ATXN2: variants seen among roughly 807,000 people sequenced by gnomAD.
ATXN2 encodes ataxin 2, also known as ataxin-2.
ATXN2 carries 37 observed loss-of-function variants against 138.6 expected under a neutral mutation model. The ratio of observed to expected loss-of-function variants is 0.27; its 90% CI spans 0.21 to 0.35. The LOEUF (loss-of-function observed/expected upper bound fraction) is 0.35. Ranked by LOEUF, ATXN2 falls within the 10% of genes least tolerant of loss-of-function variation. The probability of loss-of-function intolerance (pLI) is 1.00; values close to 1 mark genes in which losing one functional copy is unlikely to be tolerated. For missense variants in ATXN2, 1,216 were observed against 1,480.3 expected (o/e 0.82, Z 2.93); for synonymous variants, 549 against 543.7 (o/e 1.01, Z -0.13).
chr12:111,595,825 C>G (rs1262294201), intron 1 of ATXN2, among the ~76,000 whole-genome samples: 3 of 147,246 alleles, frequency 2.0e-5, no homozygotes, highest in Admixed American at 1.3e-4. Context: ...TTTGGGAGGC[C>G]GAGGCTGGCG....
At chr12:111,566,019 T>C (rs1443498530) in intron 1 of ATXN2, among the ~76,000 whole-genome samples, 3 of 151,316 alleles carry the variant, frequency 2.0e-5, no homozygotes, top group Non-Finnish European at 4.4e-5. Flanking sequence ...AAATTACTTC[T>C]CATTGACAAA....
intron 5 of ATXN2, among the ~76,000 whole-genome samples, chr12:111,541,762 T>C (rs1018881861): frequency 1.3e-5 from 2 of 148,810 alleles, no homozygotes; most frequent in African/African-American, 4.9e-5. Context: ...ATTTTGTCAA[T>C]TTCTACAAAA....
chr12:111,586,433 G>A (rs190409609), intron 1 of ATXN2, among the ~76,000 whole-genome samples: 19 of 127,884 alleles, frequency 1.5e-4, no homozygotes, highest in Non-Finnish European at 2.4e-4. Flanking sequence ...TCCCTCTGTC[G>A]TCAGTGCAGT....
chr12:111,503,583 C>T (rs1878917573), intron 14 of ATXN2, among the ~76,000 whole-genome samples: 1 of 151,282 alleles, frequency 6.6e-6, no homozygotes, highest in Non-Finnish European at 1.5e-5. Flanking sequence ...AGTTCTGGGA[C>T]ACATATTTTT....
At chr12:111,560,921 T>C (rs1257258587) in intron 1 of ATXN2, among the ~76,000 whole-genome samples, 1 of 152,202 alleles carries the variant, frequency 6.6e-6, no homozygotes, top group Non-Finnish European at 1.5e-5. Flanking sequence ...CCATAATTAA[T>C]GCAGTAAAAG....
chr12:111,539,340 A>T (rs1881364040), intron 5 of ATXN2, among the ~76,000 whole-genome samples: 3 of 150,006 alleles, frequency 2.0e-5, no homozygotes, highest in Admixed American at 6.7e-5. Flanking sequence ...AAAAATTCTA[A>T]AAAGAGAGTG....
At chr12:111,521,856 T>C (rs1252468996) in intron 6 of ATXN2, among the ~76,000 whole-genome samples, 1 of 152,166 alleles carries the variant, frequency 6.6e-6, no homozygotes, top group African/African-American at 2.4e-5. Context: ...CTGCATTCTT[T>C]AACGTAAAAG....
At chr12:111,537,448 T>G (rs1881251700) in intron 5 of ATXN2, among the ~76,000 whole-genome samples, 1 of 151,892 alleles carries the variant, frequency 6.6e-6, no homozygotes, top group South Asian at 2.1e-4. Flanking sequence ...GTAGGTGTGG[T>G]GGCAGGCGCC....
rs1220774408 is a variant in ATXN2, at chr12:111,599,269, G to C, written c.-235C>G. The C allele has an allele frequency of 4.3e-6, 5 of 1,163,460 alleles. No individual in the cohort carries two copies. The highest frequency in any genetic ancestry group is 1.7e-5 in the African/African-American group (1 of 60,152). The allele number at this position is 1,163,460 out of a possible 1,614,324, so 72.1% of individuals were successfully genotyped here. Reference sequence around the variant, plus strand: ...AGCCGGGCCGAAACGCGCCGCCGCCGTTGCCGTTGCTACCAAAACAGTCTG... The same window carrying C: ...AGCCGGGCCGAAACGCGCCGCCGCCCTTGCCGTTGCTACCAAAACAGTCTG... On this transcript the variant is annotated 5_prime_UTR_variant, in exon 1 of 25. Coordinates refer to ENST00000673436, the MANE Select transcript of ATXN2 (RefSeq NM_001372574.1).
chr12:111,453,603 C>A lies in ATXN2; in HGVS notation c.3439+74G>T. On this transcript the variant is annotated intron_variant, in intron 24 of 24. Transcript: ENST00000673436. The surrounding 1 kb of genome is among the most constrained non-coding windows in gnomAD (Gnocchi z 5.4). ...CAAATGCGGGGCTTGAAGCACTGGC[C>A]CTGCCTGCCATTCCACCTGTGCGAG... is the stretch of plus-strand genomic sequence containing the variant. The A allele has an allele frequency of 6.8e-7, 1 of 1,468,166 alleles. No individual in the cohort carries two copies. The highest frequency in any genetic ancestry group is 9.0e-7 in the Non-Finnish European group (1 of 1,106,368). 90.9% of individuals were successfully genotyped at this position (1,468,166 alleles called of 1,614,324 possible). A position where few individuals can be genotyped will look rare whatever the true frequency, so the allele number is the denominator to read the frequency against.
At chr12:111,583,126 G>A (rs1205264027) in intron 1 of ATXN2, among the ~76,000 whole-genome samples, 2 of 151,154 alleles carry the variant, frequency 1.3e-5, no homozygotes, top group African/African-American at 4.9e-5. Flanking sequence ...TCGAGTAGCT[G>A]GGACTACAGA....
intron 1 of ATXN2, among the ~76,000 whole-genome samples, chr12:111,559,794 C>CAA (rs537517180): frequency 8.9e-6 from 1 of 112,800 alleles, no homozygotes; most frequent in South Asian, 2.8e-4. Context: ...AAAAAAACTA[C>CAA]AAAAAAAAAA....
At chr12:111,503,937 A>G (rs1878947759) in intron 14 of ATXN2, among the ~76,000 whole-genome samples, 2 of 152,160 alleles carry the variant, frequency 1.3e-5, no homozygotes, top group South Asian at 2.1e-4. Context: ...GTATGCCCCT[A>G]TGGATCAAGG....
In ATXN2 at chr12:111,598,236, G is replaced by A. The variant is rs941562421; in HGVS notation, c.251+548C>T. ...TCGGAGGGGGCGGGGAGAGAGCCCC[G>A]ACAGACCCTGATGATTCCGGAGGAG... On this transcript the variant is annotated intron_variant, in intron 1 of 24. Transcript: ENST00000673436. The surrounding 1 kb of genome is among the most constrained non-coding windows in gnomAD (Gnocchi z 4.5). The A allele has an allele frequency of 5.7e-6, 6 of 1,046,704 alleles. 1 individual carries two copies. In the Admixed American group the frequency reaches 1.5e-4, roughly 26 times the overall value. The allele number at this position is 1,046,704 out of a possible 1,614,324, so 64.8% of individuals were successfully genotyped here. A position where few individuals can be genotyped will look rare whatever the true frequency, so the allele number is the denominator to read the frequency against.
At chr12:111,528,630 G>A (rs574704860) in intron 5 of ATXN2, among the ~76,000 whole-genome samples, 2 of 152,248 alleles carry the variant, frequency 1.3e-5, no homozygotes, top group East Asian at 1.9e-4. Context: ...AGACAGAAAT[G>A]GGGAAGGGGA....
At chr12:111,548,202 A>G (rs938803408) in intron 5 of ATXN2, among the ~76,000 whole-genome samples, 3 of 152,144 alleles carry the variant, frequency 2.0e-5, no homozygotes, top group Non-Finnish European at 2.9e-5. Flanking sequence ...AAAACAAACA[A>G]ACAAACATTA....
rs750054336 is a variant in ATXN2 at position 111,513,337 on chromosome 12, T to C, written c.1558+20A>G. ...GTAATGACAAAATGAGTACCATCAT[T>C]ATGCCCAAGTGTTACCTACCCCCAC... On this transcript the variant is annotated intron_variant, in intron 11 of 24. Transcript: ENST00000673436. 1.2e-6 allele frequency: 2 copies of C among 1,606,998 alleles called. No homozygotes were observed. The highest frequency in any genetic ancestry group is 8.5e-7 in the Non-Finnish European group (1 of 1,178,186).
chr12:111,510,769 G>T, intron 11 of ATXN2, 187 bp from the exon 12 acceptor site: 1 of 461,618 alleles, frequency 2.2e-6, no homozygotes. Context: ...ACAAGTATAT[G>T]AAGAACAGCA....
intron 5 of ATXN2, among the ~76,000 whole-genome samples, chr12:111,538,716 T>C (rs890719280): frequency 6.7e-6 from 1 of 150,328 alleles, no homozygotes; most frequent in African/African-American, 2.4e-5. Flanking sequence ...AAATTTGAAC[T>C]GAAAATTGTT....
Sources: allele counts gnomAD v4.1 joint callset (sites outside exome capture counted in the v4.1 genomes callset), GRCh38; gene constraint gnomAD v4.1.1; non-coding constraint Gnocchi (gnomAD v3.1); transcripts MANE v1.5; gene names NCBI Gene and HGNC (gene_info 2026-07-23, HGNC 2026-07-21).